The following MAP2K3 variants were observed in gnomAD, a reference collection of about 807,000 sequenced individuals.
The protein encoded by MAP2K3 is mitogen-activated protein kinase kinase 3.
A neutral mutation model predicts 46.4 loss-of-function variants in MAP2K3; 30 were observed. The observed-to-expected ratio is 0.65, with a 90% CI of 0.48 to 0.88. The LOEUF (loss-of-function observed/expected upper bound fraction) is 0.88. MAP2K3 is among the 40% of genes least tolerant of loss of function. The pLI, the probability that MAP2K3 is intolerant of heterozygous loss-of-function variation, is 0.00. For synonymous variants in MAP2K3, 189 were observed against 176.3 expected (o/e 1.07, Z -0.57); for missense variants, 380 against 464.5 (o/e 0.82, Z 1.67).
intron 1 of MAP2K3, among the ~76,000 whole-genome samples, chr17:21,292,077 C>G (rs578164451): frequency 2.6e-5 from 4 of 152,312 alleles, no homozygotes; most frequent in African/African-American, 9.6e-5. Flanking sequence ...TGCCCTGGTG[C>G]GTCACCTCAG....
intron 5 of MAP2K3, 148 bp downstream of exon 5, chr17:21,301,141 G>A (rs1383490050): frequency 2.9e-6 from 4 of 1,371,084 alleles, no homozygotes; most frequent in South Asian, 1.3e-5. Context: ...GGCTGTTACT[G>A]TCCTGCTCAG....
chr17:21,284,993 C>T (rs758179426), intron 1 of MAP2K3, 24 bp downstream of exon 1: 2 of 1,601,942 alleles, frequency 1.2e-6, no homozygotes, highest in Non-Finnish European at 1.7e-6. Flanking sequence ...GCCGGGACCT[C>T]GGCCTGACCC....
At position 21,303,178 on chromosome 17, in the gene MAP2K3, G is replaced by C. The variant is rs371228226; in HGVS notation, c.517-5G>C. On this transcript the variant is annotated splice_polypyrimidine_tract_variant and splice_region_variant and intron_variant, in intron 6 of 11. Transcript: ENST00000342679. ...TCTCTTCCCTCCTCCCCACCCCACC[G>C]CCAGATCGTGCGGGCCCTGGAGCAT... 2 of 1,607,904 alleles carry C rather than the reference G, an allele frequency of 1.2e-6. No individual in the cohort carries two copies. The highest frequency in any genetic ancestry group is 8.5e-7 in the Non-Finnish European group (1 of 1,176,706).
intron 9 of MAP2K3, among the ~76,000 whole-genome samples, chr17:21,309,497 C>T (rs1208807442): frequency 1.3e-5 from 2 of 152,120 alleles, no homozygotes; most frequent in Non-Finnish European, 2.9e-5. Context: ...CCTAGAGACA[C>T]CTCTTACCCC....
chr17:21,312,253 C>T lies in MAP2K3; in HGVS notation c.886C>T (p.Pro296Ser), dbSNP rs370462268. 1 of 1,601,348 alleles carries T rather than the reference C, an allele frequency of 6.2e-7. No individual in the cohort carries two copies. Among genetic ancestry groups the T allele is most frequent in the African/African-American group, 1.4e-5 (1 of 73,796 alleles). ...SPQLPADRFSPEFVDFTAQCL... is the reference protein window; with the variant it reads ...SPQLPADRFSSEFVDFTAQCL... The stretch of plus-strand genomic sequence containing the variant: ...CCAGCTCCCAGCCGACCGTTTCTCC[C>T]CCGAGTTTGTGGACTTCACTGCTCA... The change falls in exon 10 of 12, where the codon CCC (proline) becomes TCC (serine). Residue 296 changes from proline to serine, a missense_variant. Coordinates refer to ENST00000342679, the MANE Select transcript of MAP2K3 (RefSeq NM_145109.3).
At chr17:21,299,007 G>T (rs563440564) in intron 3 of MAP2K3, 81 bp downstream of exon 3, 117 of 1,583,634 alleles carry the variant, frequency 7.4e-5, no homozygotes, top group Non-Finnish European at 9.3e-5. Flanking sequence ...GGCCACTTTG[G>T]GGGGAGGTGA....
intron 9 of MAP2K3, among the ~76,000 whole-genome samples, chr17:21,309,495 C>T (rs1249392313): frequency 2.0e-5 from 3 of 152,160 alleles, no homozygotes; most frequent in African/African-American, 2.4e-5. Flanking sequence ...TACCTAGAGA[C>T]ACCTCTTACC....
chr17:21,296,207 G>A (rs1976239922), intron 1 of MAP2K3: 1 of 1,286,034 alleles, frequency 7.8e-7, no homozygotes, highest in Non-Finnish European at 1.0e-6. Context: ...ACTGTGCGGG[G>A]CAGGTGGGTG....
At position 21,284,936 on chromosome 17, in the gene MAP2K3, T is replaced by C. The variant is rs1421142599; in HGVS notation, c.16T>C (p.Ser6Pro). MESPA[S>P]SQPASMPQSK... ...CACTTGCAGCATGGAGTCGCCCGCC[T>C]CGAGCCAGCCCGCCAGCATGCCCCA... Residue 6 changes from serine to proline, a missense_variant, in exon 1 of 12, where the codon TCG becomes CCG. Around this residue, in one of 5 missense-constraint regions of MAP2K3, gnomAD observed 294 missense variants for 275.4 expected, o/e 1.07. Transcript: ENST00000342679. The C allele has an allele frequency of 6.2e-7, 1 of 1,612,096 alleles. No homozygotes were observed. Among genetic ancestry groups the C allele is most frequent in the Admixed American group, 1.7e-5 (1 of 59,964 alleles).
intron 1 of MAP2K3, among the ~76,000 whole-genome samples, chr17:21,296,403 A>G (rs1031158716): frequency 1.4e-4 from 22 of 152,306 alleles, no homozygotes; most frequent in Non-Finnish European, 2.8e-4. Context: ...CCTGTGTGCC[A>G]TGGTTTTTCC....
At chr17:21,298,125 A>G (rs1301894443) in intron 1 of MAP2K3, among the ~76,000 whole-genome samples, 4 of 152,310 alleles carry the variant, frequency 2.6e-5, no homozygotes, top group African/African-American at 9.6e-5. Context: ...AGATGGGGAA[A>G]CTGAGGCCCA....
chr17:21,298,653 T>TTGCTC (rs1976406867), intron 2 of MAP2K3, among the ~76,000 whole-genome samples, 174 bp downstream of exon 2: 1 of 152,308 alleles, frequency 6.6e-6, no homozygotes, highest in Non-Finnish European at 1.5e-5. Context: ...GCAGCACCAT[T>TTGCTC]TGCTCTGCTC....
chr17:21,290,536 A>T (rs1170240833), intron 1 of MAP2K3, among the ~76,000 whole-genome samples: 1 of 152,310 alleles, frequency 6.6e-6, no homozygotes, highest in Non-Finnish European at 1.5e-5. Context: ...GCTGCTGTTG[A>T]GGGTGAATGA....
At position 21,304,618 on chromosome 17, in the gene MAP2K3, G is replaced by T; in HGVS notation, c.696+65G>T. The T allele has an allele frequency of 3.7e-6, 6 of 1,604,700 alleles. No individual in the cohort carries two copies. The South Asian group carries it at 6.7e-5, about 18-fold the overall frequency. On this transcript the variant is annotated intron_variant, in intron 8 of 11. Coordinates refer to ENST00000342679, the MANE Select transcript of MAP2K3 (RefSeq NM_145109.3). ...GGGCGGGGAGAAATCTGCCCAGGCT[G>T]GCCACCCCGGCCATACCCTCTGTCC...
intron 7 of MAP2K3, among the ~76,000 whole-genome samples, chr17:21,304,132 G>A (rs551640837): frequency 1.2e-4 from 19 of 152,416 alleles, no homozygotes; most frequent in Non-Finnish European, 2.1e-4. Flanking sequence ...ATGCAGGCAC[G>A]GTGCTCCCAG....
At chr17:21,290,340 A>G (rs1412602062) in intron 1 of MAP2K3, among the ~76,000 whole-genome samples, 1 of 144,292 alleles carries the variant, frequency 6.9e-6, no homozygotes, top group Non-Finnish European at 1.5e-5. Context: ...TCCCCTTGTC[A>G]TTCTGCTCTT....
chr17:21,293,176 C>A (rs905659061), intron 1 of MAP2K3, among the ~76,000 whole-genome samples: 2 of 152,312 alleles, frequency 1.3e-5, no homozygotes, highest in Non-Finnish European at 1.5e-5. Context: ...GGCCATGGGG[C>A]ATGGAGGACC....
chr17:21,288,643 T>G (rs531667314), intron 1 of MAP2K3, among the ~76,000 whole-genome samples: 1 of 152,356 alleles, frequency 6.6e-6, no homozygotes, highest in South Asian at 2.1e-4. Flanking sequence ...TTCTGTCCCC[T>G]GGGCATGGCC....
intron 3 of MAP2K3, 99 bp from the exon 4 acceptor site, chr17:21,300,446 A>G: frequency 8.0e-7 from 1 of 1,250,664 alleles, no homozygotes; most frequent in Non-Finnish European, 1.1e-6. Flanking sequence ...AGATCTAATC[A>G]GCTGGTCCTC....
Sources: gnomAD v4.1 joint callset for allele counts (sites outside exome capture counted in the v4.1 genomes callset) on GRCh38, gnomAD v4.1.1 for gene constraint, gnomAD v4.1.1 regional missense constraint, MANE v1.5 for transcripts, NCBI Gene and HGNC (gene_info 2026-07-23, HGNC 2026-07-21) for gene names.